The following OPHN1 variants were observed in gnomAD, a reference collection of about 807,000 sequenced individuals.
The protein encoded by OPHN1 is oligophrenin-1.
A neutral mutation model predicts 60.7 loss-of-function variants in OPHN1; 11 were observed. The ratio of observed to expected loss-of-function variants is 0.18; its 90% CI spans 0.11 to 0.30. The LOEUF (loss-of-function observed/expected upper bound fraction) is 0.30, where lower values mean the gene tolerates loss of function less well. OPHN1 is among the 10% of genes least tolerant of loss of function. The probability of loss-of-function intolerance (pLI) is 1.00; values close to 1 mark genes in which losing one functional copy is unlikely to be tolerated. For missense variants in OPHN1, 449 were observed against 611.0 expected (o/e 0.73, Z 2.80); for synonymous variants, 226 against 222.6 (o/e 1.02, Z -0.14).
At chrX:68,392,043 G>A (rs1403971054) in intron 2 of OPHN1, among the ~76,000 whole-genome samples, 1 of 111,604 alleles carries the variant, frequency 9.0e-6, no homozygotes, top group Non-Finnish European at 1.9e-5. Context: ...AACAACAAAA[G>A]GTATACATAT....
chrX:68,101,927 T>C (rs2077060860), intron 18 of OPHN1: 1 of 112,190 alleles, frequency 8.9e-6, no homozygotes, highest in African/African-American at 3.2e-5. Flanking sequence ...AGATATAACC[T>C]CTACTTTACA....
intron 2 of OPHN1, among the ~76,000 whole-genome samples, chrX:68,311,277 G>T (rs747622990): frequency 9.1e-6 from 1 of 110,354 alleles, no homozygotes; most frequent in East Asian, 2.9e-4. Context: ...CCCTGTCCCC[G>T]CTCCCAAAAA....
At chrX:68,336,673 AGTGTGT>A (rs758147589) in intron 2 of OPHN1, among the ~76,000 whole-genome samples, 1 of 105,001 alleles carries the variant, frequency 9.5e-6, no homozygotes, top group Non-Finnish European at 2.0e-5. Flanking sequence ...TGTGTGTGAG[AGTGTGT>A]GTGTGTGTGT....
chrX:68,330,339 C>A (rs2078288439), intron 2 of OPHN1, among the ~76,000 whole-genome samples: 1 of 108,143 alleles, frequency 9.2e-6, no homozygotes, highest in Non-Finnish European at 1.9e-5. Context: ...CTCAGGTGAT[C>A]TGCCTGCCTC....
At chrX:68,399,016 CCTT>C (rs2147764550) in intron 2 of OPHN1, among the ~76,000 whole-genome samples, 1 of 108,234 alleles carries the variant, frequency 9.2e-6, no homozygotes, top group African/African-American at 3.4e-5. Flanking sequence ...ATATGCCAAA[CCTT>C]CTCCACAAAA....
intron 2 of OPHN1, among the ~76,000 whole-genome samples, chrX:68,324,649 A>ATTTTTT (rs2078251458): frequency 1.8e-5 from 2 of 109,478 alleles, no homozygotes; most frequent in African/African-American, 6.6e-5. Flanking sequence ...AAAATAAATA[A>ATTTTTT]TAATTAGAAA....
intron 15 of OPHN1, among the ~76,000 whole-genome samples, chrX:68,128,969 A>C (rs1247339700): frequency 8.9e-6 from 1 of 112,286 alleles, no homozygotes; most frequent in Non-Finnish European, 1.9e-5. Context: ...AGAATTGTTC[A>C]AAAAATGGAA....
At chrX:68,094,448 T>C (rs1182727750) in intron 19 of OPHN1, among the ~76,000 whole-genome samples, 2 of 112,112 alleles carry the variant, frequency 1.8e-5, no homozygotes, top group African/African-American at 6.5e-5. Context: ...CTTGTCTTTA[T>C]CTACAAAAGC....
In OPHN1 at chrX:68,125,930, A is replaced by AAT. The variant is rs59058075; in HGVS notation, c.1277-6600_1277-6599dup. Among the ~76,000 whole-genome samples the AAT allele has an allele frequency of 9.1e-3, 203 of 22,229 alleles. 6 individuals are homozygous for AAT. Among genetic ancestry groups the AAT allele is most frequent in the African/African-American group, 0.018 (167 of 9,316 alleles). 19.3% of individuals were successfully genotyped at this position (22,229 alleles called of 115,157 possible). A position where few individuals can be genotyped will look rare whatever the true frequency, so the allele number is the denominator to read the frequency against. On this transcript the variant is annotated intron_variant, in intron 15 of 24. Coordinates refer to ENST00000355520, the MANE Select transcript of OPHN1 (RefSeq NM_002547.3). ...AAGCTATTGGCCATAACCACTGATCAATATATATATATATATATATATATA... is the reference window on the plus strand; with the variant it reads ...AAGCTATTGGCCATAACCACTGATCAATATATATATATATATATATATATATA...
At position 68,161,012 on chromosome X, in the gene OPHN1, C is replaced by A. The variant is rs372713454; in HGVS notation, c.1276+31907G>T. Reference sequence around the variant, plus strand: ...ATTGACAAATCTTTGGCTACAGTGACCGGGAGAAAAAAAAGAGAAGACTCA... The same window carrying A: ...ATTGACAAATCTTTGGCTACAGTGAACGGGAGAAAAAAAAGAGAAGACTCA... On this transcript the variant is annotated intron_variant, in intron 15 of 24. Transcript: ENST00000355520. Among the ~76,000 whole-genome samples, 5 of 109,425 alleles carry A rather than the reference C, an allele frequency of 4.6e-5. No homozygotes were observed. In the East Asian group the frequency reaches 1.1e-3, roughly 25 times the overall value.
chrX:68,169,961 C>G (rs1311324954), intron 15 of OPHN1, among the ~76,000 whole-genome samples: 2 of 108,596 alleles, frequency 1.8e-5, no homozygotes, highest in African/African-American at 3.4e-5. Context: ...AGCTTCTGCA[C>G]AGCAAAAGAA....
chrX:68,221,529 T>C (rs1028539745), intron 6 of OPHN1, among the ~76,000 whole-genome samples: 1 of 91,102 alleles, frequency 1.1e-5, no homozygotes, highest in African/African-American at 3.8e-5. Flanking sequence ...CTTCAAACTA[T>C]ACTACAAAGC....
intron 11 of OPHN1, among the ~76,000 whole-genome samples, chrX:68,198,291 T>A (rs534866796): frequency 3.6e-5 from 4 of 111,348 alleles, no homozygotes; most frequent in African/African-American, 1.3e-4. Flanking sequence ...TTCTGACATA[T>A]GAGGACACGG....
At chrX:68,306,380 G>A (rs1209886380) in intron 2 of OPHN1, among the ~76,000 whole-genome samples, 2 of 111,743 alleles carry the variant, frequency 1.8e-5, no homozygotes, top group Admixed American at 9.5e-5. Context: ...ACTACTACTC[G>A]TTACTGGAGC....
In OPHN1 at chrX:68,044,157, C is replaced by CCCCT. The variant is rs2076825095; in HGVS notation, c.*3011_*3014dup. 8.9e-6 allele frequency: 1 copy of CCCCT among 112,145 alleles called. No homozygotes were observed. The highest frequency in any genetic ancestry group is 1.9e-5 in the Non-Finnish European group (1 of 53,219). The allele number at this position is 112,145 out of a possible 1,213,427, so 9.2% of individuals were successfully genotyped here. A position where few individuals can be genotyped will look rare whatever the true frequency, so the allele number is the denominator to read the frequency against. On this transcript the variant is annotated 3_prime_UTR_variant, in exon 25 of 25. Transcript: ENST00000355520. ...ATTTCCATATAAACTGAACCTGCAC[C>CCCCT]CCCTCCCTCCTTCAAATGTTTGCCT...
chrX:68,317,517 GAGAAAGAAAGAAAGAAAGAAAA>G (rs2078210988), intron 2 of OPHN1, among the ~76,000 whole-genome samples: 1 of 47,847 alleles, frequency 2.1e-5, no homozygotes, highest in African/African-American at 1.8e-4. Flanking sequence ...GAAAGAGAGA[GAGAAAGAAAGAAAGAAAGAAAA>G]AAAGAAAGAA....
At chrX:68,246,618 C>G (rs781691084) in intron 5 of OPHN1, among the ~76,000 whole-genome samples, 17 of 111,638 alleles carry the variant, frequency 1.5e-4, no homozygotes, top group African/African-American at 5.5e-4. Context: ...TCCATAAAGT[C>G]AAGGACGGTA....
intron 2 of OPHN1, among the ~76,000 whole-genome samples, chrX:68,380,409 T>G (rs1390302401): frequency 2.7e-5 from 3 of 111,455 alleles, no homozygotes; most frequent in African/African-American, 9.8e-5. Flanking sequence ...TTTTGAAGGG[T>G]TTTTTGTGTC....
chrX:68,263,874 A>T (rs1229899910), intron 5 of OPHN1, among the ~76,000 whole-genome samples: 1 of 112,358 alleles, frequency 8.9e-6, no homozygotes, highest in Non-Finnish European at 1.9e-5. Flanking sequence ...ATCAAAATTA[A>T]ATGTTAATAT....
Sources: allele counts gnomAD v4.1 joint callset (sites outside exome capture counted in the v4.1 genomes callset), GRCh38; gene constraint gnomAD v4.1.1; transcripts MANE v1.5; gene names NCBI Gene and HGNC (gene_info 2026-07-23, HGNC 2026-07-21).